CEP70: variants seen among roughly 807,000 people sequenced by gnomAD.
CEP70 encodes the protein centrosomal protein 70.
A neutral mutation model predicts 90.9 loss-of-function variants in CEP70; 70 were observed. The ratio of observed to expected loss-of-function variants is 0.77; its 90% CI spans 0.64 to 0.94. The LOEUF (loss-of-function observed/expected upper bound fraction) is 0.94, where lower values mean the gene tolerates loss of function less well. Ranked by LOEUF, CEP70 falls within the 40% of genes least tolerant of loss-of-function variation. The pLI is 0.00. For synonymous variants in CEP70, 220 were observed against 228.3 expected, an observed-to-expected ratio of 0.96 and a Z score of 0.33; for missense variants, 648 against 669.0, an observed-to-expected ratio of 0.97 and a Z score of 0.35.
rs1159442462 is a variant in CEP70 at position 138,529,447 on chromosome 3, A to T, written c.708T>A (p.Asp236Glu). ...KIHTQRQYKE[D>E]ESQSEEENDY... is the part of the protein sequence containing the mutation. ...CGTTTTCTTCTTCTGACTGACTTTCATCTTCTTTATATTGCCTATGAAAAT... is the reference window on the plus strand; with the variant it reads ...CGTTTTCTTCTTCTGACTGACTTTCTTCTTCTTTATATTGCCTATGAAAAT... Residue 236 changes from aspartate (D) to glutamate (E), a missense_variant, in exon 9 of 18, where the codon GAT becomes GAA. Physicochemically the swap from Asp to Glu is conservative, Grantham distance 45. Transcript: ENST00000264982. 6.2e-7 allele frequency: 1 copy of T among 1,606,022 alleles called. No homozygotes were observed. Among genetic ancestry groups the T allele is most frequent in the Admixed American group, 1.7e-5 (1 of 59,240 alleles).
intron 10 of CEP70, among the ~76,000 whole-genome samples, chr3:138,528,111 C>G (rs1004653806): frequency 8.8e-5 from 13 of 147,278 alleles, no homozygotes; most frequent in African/African-American, 2.7e-4. Flanking sequence ...GTGACACAAT[C>G]ATGGCTCACT....
chr3:138,565,286 A>G (rs536204057), intron 6 of CEP70, among the ~76,000 whole-genome samples: 1 of 152,348 alleles, frequency 6.6e-6, no homozygotes, highest in South Asian at 2.1e-4. Flanking sequence ...TAATTTATAG[A>G]TTCAATGCTA....
intron 2 of CEP70, among the ~76,000 whole-genome samples, chr3:138,583,200 T>C (rs988425190): frequency 6.6e-5 from 10 of 152,230 alleles, no homozygotes; most frequent in Admixed American, 2.0e-4. Context: ...AGACAAAAAC[T>C]GTAAGAAGAG....
chr3:138,555,019 C>T (rs984204592), intron 6 of CEP70, among the ~76,000 whole-genome samples: 153 of 152,122 alleles, frequency 1.0e-3, no homozygotes, highest in African/African-American at 3.2e-3. Flanking sequence ...CTCTGGGAGG[C>T]GGGTAGATCA....
intron 6 of CEP70, among the ~76,000 whole-genome samples, chr3:138,566,822 A>T (rs1183600046): frequency 2.0e-5 from 3 of 151,726 alleles, no homozygotes; most frequent in East Asian, 1.9e-4. Context: ...TATATATAAA[A>T]AAAAAACTTA....
intron 13 of CEP70, 83 bp downstream of exon 13, chr3:138,505,212 T>G: frequency 9.0e-7 from 1 of 1,108,478 alleles, no homozygotes; most frequent in Admixed American, 2.9e-5. Context: ...CTATTTAATT[T>G]TTAGCCCTGA....
In CEP70 at chr3:138,570,376, C is replaced by T; in HGVS notation, c.407G>A (p.Arg136Lys). ...TATTTTATTCTGTTGGTGGCAAGCC[C>T]TACTTAGTGATTCATCCTCCAATTC... ...IGELEDESLS[R>K]ACHQQNKIKD... is the part of the protein sequence containing the mutation. The change falls in exon 6 of 18, where the codon AGG (arginine) becomes AAG (lysine). Residue 136 changes from arginine to lysine, a missense_variant. By Grantham distance (26) the Arg-to-Lys change is conservative. Transcript: ENST00000264982. 3 of 1,607,192 alleles carry T rather than the reference C, an allele frequency of 1.9e-6. No individual in the cohort carries two copies. Among genetic ancestry groups the T allele is most frequent in the Non-Finnish European group, 2.5e-6 (3 of 1,177,582 alleles).
intron 2 of CEP70, among the ~76,000 whole-genome samples, chr3:138,579,759 T>A (rs1005037164): frequency 2.6e-5 from 4 of 151,928 alleles, no homozygotes; most frequent in Non-Finnish European, 5.9e-5. Context: ...GACTCAGACA[T>A]GCTGGCTTCA....
Position 138,499,839 on chromosome 3 carries a change from T to TCA in CEP70, c.1652+269_1652+270dup, listed in dbSNP as rs1001457985. On this transcript the variant is annotated intron_variant, in intron 16 of 17. Coordinates refer to ENST00000264982, the MANE Select transcript of CEP70 (RefSeq NM_024491.4). Reference sequence around the variant, plus strand: ...TGGGCGTGGTGGCGTGTGCTTACAGTCACACACACACACAAAAGATGCTAT... The same window carrying TCA: ...TGGGCGTGGTGGCGTGTGCTTACAGTCACACACACACACACAAAAGATGCTAT... 2.1e-4 allele frequency: 66 copies of TCA among 315,170 alleles called. No individual in the cohort carries two copies. In the Middle Eastern group the frequency reaches 3.0e-3, roughly 14 times the overall value. 19.5% of individuals were successfully genotyped at this position (315,170 alleles called of 1,614,324 possible).
intron 13 of CEP70, among the ~76,000 whole-genome samples, chr3:138,501,175 A>G (rs1250261968): frequency 6.6e-6 from 1 of 152,086 alleles, no homozygotes; most frequent in Non-Finnish European, 1.5e-5. Context: ...AAGTAATTTT[A>G]TGTTATTTAT....
At chr3:138,549,405 G>A (rs2039457852) in intron 6 of CEP70, among the ~76,000 whole-genome samples, 1 of 151,772 alleles carries the variant, frequency 6.6e-6, no homozygotes. Flanking sequence ...CTTTTGGATT[G>A]CGTGGGAGCT....
rs752182427 is a variant in CEP70 at position 138,529,370 on chromosome 3, C to T, written c.780+5G>A. The T allele has an allele frequency of 2.5e-6, 4 of 1,595,994 alleles. No homozygotes were observed. In the East Asian group the frequency reaches 8.9e-5, roughly 36 times the overall value. ...AAGTATTTATTAGTTATGCAGTCCC[C>T]ATACCATTAAAAGGCCTTTATAAGT... is the stretch of plus-strand genomic sequence containing the variant. On this transcript the variant is annotated splice_donor_5th_base_variant and intron_variant, in intron 9 of 17. Transcript: ENST00000264982.
At chr3:138,551,212 T>G (rs1051836890) in intron 6 of CEP70, among the ~76,000 whole-genome samples, 1 of 152,214 alleles carries the variant, frequency 6.6e-6, no homozygotes, top group African/African-American at 2.4e-5. Context: ...GAGCCGTATA[T>G]TTAGCCTCCT....
intron 6 of CEP70, among the ~76,000 whole-genome samples, chr3:138,558,685 G>A (rs2108023845): frequency 6.6e-6 from 1 of 152,234 alleles, no homozygotes; most frequent in South Asian, 2.1e-4. Flanking sequence ...CAGATTACTA[G>A]TACACCTAGA....
intron 6 of CEP70, among the ~76,000 whole-genome samples, chr3:138,537,755 C>T (rs958638196): frequency 2.6e-5 from 4 of 152,074 alleles, no homozygotes; most frequent in African/African-American, 7.2e-5. Flanking sequence ...TGACTGCAAA[C>T]TCACAGTAAG....
At chr3:138,564,199 GTAAT>G (rs1397621959) in intron 6 of CEP70, among the ~76,000 whole-genome samples, 5 of 152,144 alleles carry the variant, frequency 3.3e-5, no homozygotes, top group Non-Finnish European at 5.9e-5. Context: ...AATTGAGGCA[GTAAT>G]TAATAGCCTA....
At chr3:138,553,159 C>A (rs1425641365) in intron 6 of CEP70, among the ~76,000 whole-genome samples, 6 of 151,814 alleles carry the variant, frequency 4.0e-5, no homozygotes, top group Non-Finnish European at 5.9e-5. Flanking sequence ...CAATAACAAG[C>A]AGTGAGAACG....
At chr3:138,558,200 A>G (rs2108019740) in intron 6 of CEP70, among the ~76,000 whole-genome samples, 1 of 152,258 alleles carries the variant, frequency 6.6e-6, no homozygotes, top group East Asian at 1.9e-4. Flanking sequence ...CCCTGTTTCC[A>G]CTAAAAATAC....
chr3:138,520,039 T>A (rs1287670165), intron 11 of CEP70, among the ~76,000 whole-genome samples: 1 of 152,136 alleles, frequency 6.6e-6, no homozygotes, highest in African/African-American at 2.4e-5. Context: ...AATCCTAGTC[T>A]CTGATAAAAC....
Sources: gnomAD v4.1 joint callset for allele counts (sites outside exome capture counted in the v4.1 genomes callset) on GRCh38, gnomAD v4.1.1 for gene constraint, MANE v1.5 for transcripts, NCBI Gene and HGNC (gene_info 2026-07-23, HGNC 2026-07-21) for gene names.